The following EPC1 variants were observed in gnomAD, a reference collection of about 807,000 sequenced individuals.
The protein encoded by EPC1 is enhancer of polycomb homolog 1.
Under a neutral mutation model 98.4 loss-of-function variants are expected in EPC1, and 12 were observed. The observed-to-expected ratio is 0.12, with a 90% CI of 0.08 to 0.20. The LOEUF (loss-of-function observed/expected upper bound fraction) is 0.20. Ranked by LOEUF, EPC1 falls within the 10% of genes least tolerant of loss-of-function variation. EPC1 has a pLI of 1.00. For missense variants in EPC1, 729 were observed against 990.5 expected, an observed-to-expected ratio of 0.74 and a Z score of 3.54; for synonymous variants, 357 against 363.9, an observed-to-expected ratio of 0.98 and a Z score of 0.21.
intron 9 of EPC1, chr10:32,285,848 T>A: frequency 6.6e-6 from 1 of 152,226 alleles, no homozygotes; most frequent in East Asian, 1.9e-4. Flanking sequence ...ATGTTAGTAA[T>A]AGAATAAAAT....
chr10:32,270,702 G>A (rs1383445466), intron 13 of EPC1, among the ~76,000 whole-genome samples: 4 of 151,252 alleles, frequency 2.6e-5, no homozygotes, highest in Non-Finnish European at 5.9e-5. Context: ...GTGTATGCCT[G>A]TAATCCCATC....
chr10:32,275,264 C>A (rs1241229635), intron 10 of EPC1, among the ~76,000 whole-genome samples: 1 of 152,222 alleles, frequency 6.6e-6, no homozygotes. Flanking sequence ...ACATCTTAAT[C>A]CTGAGTCTTT....
chr10:32,366,482 T>A (rs188659474), intron 1 of EPC1, among the ~76,000 whole-genome samples: 1 of 152,304 alleles, frequency 6.6e-6, no homozygotes, highest in Non-Finnish European at 1.5e-5. Context: ...GTACTTTATT[T>A]TCAATTATGA....
intron 1 of EPC1, among the ~76,000 whole-genome samples, chr10:32,363,324 G>T (rs1304212422): frequency 1.3e-5 from 2 of 152,156 alleles, no homozygotes; most frequent in South Asian, 2.1e-4. Flanking sequence ...CAAAGGATCT[G>T]CCTGCCTTGG....
At chr10:32,285,120 CT>C in intron 9 of EPC1, 70 bp from the exon 10 acceptor site, 5 of 1,255,794 alleles carry the variant, frequency 4.0e-6, no homozygotes, top group Non-Finnish European at 5.5e-6. Context: ...AAAGCTTTTT[CT>C]TTTTACCCCC....
intron 2 of EPC1, among the ~76,000 whole-genome samples, chr10:32,305,402 T>C (rs1010375634): frequency 1.3e-5 from 2 of 152,218 alleles, no homozygotes; most frequent in Non-Finnish European, 2.9e-5. Flanking sequence ...TCTGACCCTG[T>C]ACAGAAAAAG....
chr10:32,320,191 G>T (rs1439819252), intron 1 of EPC1, among the ~76,000 whole-genome samples: 16 of 145,372 alleles, frequency 1.1e-4, no homozygotes, highest in Admixed American at 8.2e-4. Flanking sequence ...AATAATGGTT[G>T]TTTTTTTTTT....
chr10:32,275,168 T>C (rs1039286711), intron 10 of EPC1, among the ~76,000 whole-genome samples: 2 of 152,270 alleles, frequency 1.3e-5, no homozygotes, highest in African/African-American at 4.8e-5. Flanking sequence ...TGTAGAACTT[T>C]GCTGGCGTGT....
intron 10 of EPC1, among the ~76,000 whole-genome samples, chr10:32,277,862 G>A (rs1275595336): frequency 2.6e-5 from 4 of 151,094 alleles, no homozygotes; most frequent in African/African-American, 9.7e-5. Flanking sequence ...GAGCCACTGC[G>A]CCCGGCCTAA....
At chr10:32,325,683 G>A (rs1441555964) in intron 1 of EPC1, among the ~76,000 whole-genome samples, 3 of 152,030 alleles carry the variant, frequency 2.0e-5, no homozygotes, top group African/African-American at 7.2e-5. Flanking sequence ...CATTAAATTT[G>A]GTTAGAATGA....
rs549893209 is a variant in EPC1 at position 32,291,255 on chromosome 10, G to C, written c.883C>G (p.Pro295Ala). 6.2e-7 allele frequency: 1 copy of C among 1,613,902 alleles called. No homozygotes were observed. Among genetic ancestry groups the C allele is most frequent in the African/African-American group, 1.3e-5 (1 of 75,024 alleles). The change falls in exon 6 of 14, where the codon CCT (proline) becomes GCT (alanine). Residue 295 changes from proline to alanine, a missense_variant. Pro to Ala is a conservative substitution (Grantham distance 27). Around this residue, in one of 6 missense-constraint regions of EPC1, gnomAD observed 390 missense variants for 438.6 expected, o/e 0.89. Coordinates refer to ENST00000319778, the MANE Select transcript of EPC1 (RefSeq NM_001272004.3). ...EVMAQRQPMK[P>A]TYAIPIIPIT... is the part of the protein sequence containing the mutation. ...GGGATGATGGGGATGGCATAAGTAG[G>C]TTTCATTGGCTGTCTCTGTGCCATA...
intron 1 of EPC1, among the ~76,000 whole-genome samples, chr10:32,334,989 AC>A (rs1837867231): frequency 6.6e-6 from 1 of 152,212 alleles, no homozygotes; most frequent in Non-Finnish European, 1.5e-5. Flanking sequence ...ACCGTGCTGT[AC>A]AAAAATCCTT....
chr10:32,338,943 A>AT (rs1454104410), intron 1 of EPC1, among the ~76,000 whole-genome samples: 1 of 51,168 alleles, frequency 2.0e-5, no homozygotes, highest in African/African-American at 3.7e-5. Context: ...GTCTCAAAAA[A>AT]AATAAATAAA....
chr10:32,353,790 G>A (rs968177592), intron 1 of EPC1, among the ~76,000 whole-genome samples: 2 of 152,230 alleles, frequency 1.3e-5, no homozygotes, highest in Non-Finnish European at 2.9e-5. Flanking sequence ...TTCTGCAAAA[G>A]TATGAATACT....
At chr10:32,366,949 T>C (rs1167695518) in intron 1 of EPC1, among the ~76,000 whole-genome samples, 1 of 152,148 alleles carries the variant, frequency 6.6e-6, no homozygotes, top group Non-Finnish European at 1.5e-5. Context: ...TTTCCACTCT[T>C]AACATCACTA....
intron 1 of EPC1, among the ~76,000 whole-genome samples, chr10:32,327,746 G>C (rs1837388677): frequency 6.6e-6 from 1 of 152,140 alleles, no homozygotes; most frequent in Admixed American, 6.5e-5. Context: ...ACTGATTACT[G>C]TAGGGAGTTG....
rs1835689954 is a variant in EPC1, at chr10:32,268,546, A to G, written c.*517T>C. The stretch of plus-strand genomic sequence containing the variant: ...CCAGAGGGGAACCAAGTTATGTTAT[A>G]CCATTTACAAAATACCAAGGAGTCC... On this transcript the variant is annotated 3_prime_UTR_variant, in exon 14 of 14. Transcript: ENST00000319778. The G allele has an allele frequency of 6.7e-6, 1 of 149,754 alleles. No individual in the cohort carries two copies. The highest frequency in any genetic ancestry group is 2.5e-5 in the African/African-American group (1 of 40,536). 9.3% of individuals were successfully genotyped at this position (149,754 alleles called of 1,614,324 possible). A position where few individuals can be genotyped will look rare whatever the true frequency, so the allele number is the denominator to read the frequency against.
upstream of EPC1, chr10:32,347,436 C>T (rs777508062): frequency 6.3e-6 from 1 of 159,262 alleles, no homozygotes; most frequent in Admixed American, 6.4e-5. Flanking sequence ...CTTTCTCACG[C>T]TCGCTCCCTC....
intron 1 of EPC1, among the ~76,000 whole-genome samples, chr10:32,311,659 G>C (rs1283198952): frequency 1.3e-5 from 2 of 152,130 alleles, no homozygotes; most frequent in Non-Finnish European, 2.9e-5. Context: ...CAATCTCAGT[G>C]GATGGCTGAA....
Sources: allele counts gnomAD v4.1 joint callset (sites outside exome capture counted in the v4.1 genomes callset), GRCh38; gene constraint gnomAD v4.1.1; regional missense constraint gnomAD v4.1.1; transcripts MANE v1.5; gene names NCBI Gene and HGNC (gene_info 2026-07-23, HGNC 2026-07-21).